APBA1: variants seen among roughly 807,000 people sequenced by gnomAD.
The protein encoded by APBA1 is amyloid beta precursor protein binding family A member 1.
In APBA1, 55 loss-of-function variants were observed where a neutral mutation model predicts 86.6. That is an observed-to-expected ratio of 0.64 (90% CI 0.51 to 0.80). The LOEUF (loss-of-function observed/expected upper bound fraction) is 0.80, where lower values mean the gene tolerates loss of function less well. Among genes scored for constraint, APBA1 ranks in the 30% least tolerant of loss-of-function variants. The pLI is 0.00. For missense variants in APBA1, 1,090 were observed against 1,183.0 expected (o/e 0.92, Z 1.15); for synonymous variants, 511 against 493.9 (o/e 1.03, Z -0.46).
At chr9:69,600,097 T>C (rs768161515) in intron 1 of APBA1, among the ~76,000 whole-genome samples, 18 of 152,190 alleles carry the variant, frequency 1.2e-4, no homozygotes, top group Non-Finnish European at 2.4e-4. Context: ...GTTGCCTCCC[T>C]GGTAATGACC....
intron 2 of APBA1, among the ~76,000 whole-genome samples, chr9:69,511,788 T>C (rs535715705): frequency 8.4e-4 from 127 of 151,972 alleles, no homozygotes; most frequent in African/African-American, 2.8e-3. Context: ...ATGGATGAAA[T>C]TGGAAATCAT....
At chr9:69,643,802 T>C (rs1029988967) in intron 1 of APBA1, among the ~76,000 whole-genome samples, 1 of 152,138 alleles carries the variant, frequency 6.6e-6, no homozygotes, top group African/African-American at 2.4e-5. Flanking sequence ...AGAGAAGAAA[T>C]GATCAGTCTC....
chr9:69,610,708 C>T (rs1180230059), intron 1 of APBA1, among the ~76,000 whole-genome samples: 1 of 152,144 alleles, frequency 6.6e-6, no homozygotes, highest in African/African-American at 2.4e-5. Flanking sequence ...AAACACTGGT[C>T]CAAACTCCCT....
At chr9:69,463,919 C>T (rs1835233398) in intron 5 of APBA1, 1 of 152,246 alleles carries the variant, frequency 6.6e-6, no homozygotes, top group South Asian at 2.1e-4. Flanking sequence ...TGGACGGACG[C>T]TATAAAGTCT....
chr9:69,631,189 G>C (rs1032711153), intron 1 of APBA1, among the ~76,000 whole-genome samples: 13 of 152,078 alleles, frequency 8.5e-5, no homozygotes, highest in Admixed American at 8.5e-4. Flanking sequence ...AATCTACAAA[G>C]AACTTAAACA....
At position 69,516,875 on chromosome 9, in the gene APBA1, G is replaced by C. The variant is rs142271429; in HGVS notation, c.336C>G (p.Pro112=). The part of the protein sequence containing the change: ...DGYDAERAQD[P]EDESAYAVQY... ...GCACAGCATAGGCGCTCTCGTCCTC[G>C]GGGTCCTGCGCGCGCTCCGCATCGT... The change falls in exon 2 of 13, where the codon CCC becomes CCG. Residue 112 remains proline (P), a synonymous_variant. Transcript: ENST00000265381. This position sits in a 1 kb window ranked among gnomAD's most constrained non-coding sequence, Gnocchi z 7.3. 6.3e-6 allele frequency: 10 copies of C among 1,595,414 alleles called. No homozygotes were observed. The East Asian group carries it at 1.3e-4, about 21-fold the overall frequency.
At chr9:69,624,612 C>A (rs1822892046) in intron 1 of APBA1, among the ~76,000 whole-genome samples, 1 of 152,132 alleles carries the variant, frequency 6.6e-6, no homozygotes, top group Admixed American at 6.6e-5. Flanking sequence ...AGACCTGCCT[C>A]ATTTGAAGAC....
chr9:69,639,495 G>A (rs1402796074), intron 1 of APBA1, among the ~76,000 whole-genome samples: 2 of 152,098 alleles, frequency 1.3e-5, no homozygotes, highest in Admixed American at 1.3e-4. Flanking sequence ...AGAAGCAAAG[G>A]AGCTATCAAA....
chr9:69,644,930 G>A (rs1391962314), intron 1 of APBA1, among the ~76,000 whole-genome samples: 3 of 152,206 alleles, frequency 2.0e-5, no homozygotes, highest in East Asian at 1.9e-4. Flanking sequence ...CCTAGATAGG[G>A]CTCTGGAAAC....
intron 1 of APBA1, among the ~76,000 whole-genome samples, chr9:69,604,889 G>A (rs1230866120): frequency 2.0e-5 from 3 of 151,456 alleles, no homozygotes; most frequent in Non-Finnish European, 4.4e-5. Flanking sequence ...CGCACATGAG[G>A]GTAAGAGGAG....
intron 6 of APBA1, 126 bp downstream of exon 6, chr9:69,458,030 A>G (rs1835128139): frequency 1.9e-6 from 2 of 1,062,014 alleles, no homozygotes; most frequent in Admixed American, 2.7e-5. Context: ...GGGCGGTTCA[A>G]AAAGAAATCT....
chr9:69,555,954 T>G (rs1450136454), intron 1 of APBA1, among the ~76,000 whole-genome samples: 2 of 152,212 alleles, frequency 1.3e-5, no homozygotes, highest in African/African-American at 4.8e-5. Context: ...CTCAGGTGCC[T>G]GTTTTAATCT....
Position 69,476,048 on chromosome 9 carries a change from C to T in APBA1, c.1296G>A (p.Glu432=). 3 of 1,613,570 alleles carry T rather than the reference C, an allele frequency of 1.9e-6. No individual in the cohort carries two copies. In the East Asian group the frequency reaches 6.7e-5, roughly 36 times the overall value. ...CTTTGGTAACAAAACAGCACCCTAC[C>T]TCTTTATTAGTGGACGCTTCCACAG... ...SDPVEASTNK[E]SRKSLASFPT... The change falls in exon 3 of 13, where the codon GAG becomes GAA. Residue 432 remains glutamate (E), a splice_region_variant and synonymous_variant. Transcript: ENST00000265381.
intron 5 of APBA1, among the ~76,000 whole-genome samples, chr9:69,458,908 G>A (rs1283923891): frequency 6.6e-6 from 1 of 151,894 alleles, no homozygotes; most frequent in African/African-American, 2.4e-5. Flanking sequence ...CCAGGATCAA[G>A]AGATTCTCCT....
At chr9:69,469,418 A>C (rs1835331110) in intron 4 of APBA1, among the ~76,000 whole-genome samples, 1 of 152,224 alleles carries the variant, frequency 6.6e-6, no homozygotes, top group African/African-American at 2.4e-5. Flanking sequence ...TTTTTCTAAA[A>C]CTAAGGTGGT....
chr9:69,532,626 A>G (rs1836450999), intron 1 of APBA1, among the ~76,000 whole-genome samples: 1 of 152,132 alleles, frequency 6.6e-6, no homozygotes, highest in South Asian at 2.1e-4. Context: ...TGCTGCAACC[A>G]AGCCTCATTA....
rs568788432 is a variant in APBA1, at chr9:69,572,855, C to CA, written c.-69-55577dup. 2.4e-3 allele frequency among the ~76,000 whole-genome samples: 365 copies of CA among 152,268 alleles called. 1 individual carries two copies. The highest frequency in any genetic ancestry group is 8.5e-3 in the African/African-American group (353 of 41,548). On this transcript the variant is annotated intron_variant, in intron 1 of 12. Coordinates refer to ENST00000265381, the MANE Select transcript of APBA1 (RefSeq NM_001163.4). ...GGCTTTTTGCCATGTTACTCATCTT[C>CA]AAAAAATATGACTTTTGGTGGTTGC...
intron 1 of APBA1, among the ~76,000 whole-genome samples, chr9:69,561,627 A>T (rs961484743): frequency 1.2e-4 from 18 of 150,062 alleles, no homozygotes; most frequent in Non-Finnish European, 1.5e-5. Context: ...CCTTATCTAC[A>T]GGATTTTTTT....
In APBA1 at chr9:69,601,550, T is replaced by C. The variant is rs1249069933; in HGVS notation, c.-70+70603A>G. On this transcript the variant is annotated intron_variant, in intron 1 of 12. Coordinates refer to ENST00000265381, the MANE Select transcript of APBA1 (RefSeq NM_001163.4). ...ACAAATCCTTGCAGATTAGTTGTCA[T>C]AGTGTAGCTAAATGTTTCAAGAGAT... Among the ~76,000 whole-genome samples, 5 of 152,354 alleles carry C rather than the reference T, an allele frequency of 3.3e-5. No homozygotes were observed. In the South Asian group the frequency reaches 6.2e-4, roughly 19 times the overall value.
Sources: gnomAD v4.1 joint callset for allele counts (sites outside exome capture counted in the v4.1 genomes callset) on GRCh38, gnomAD v4.1.1 for gene constraint, Gnocchi (gnomAD v3.1) non-coding constraint, MANE v1.5 for transcripts, NCBI Gene and HGNC (gene_info 2026-07-23, HGNC 2026-07-21) for gene names.